FUBP3: variants seen among roughly 807,000 people sequenced by gnomAD.
FUBP3 encodes the protein far upstream element-binding protein 3.
FUBP3 carries 28 observed loss-of-function variants against 85.6 expected under a neutral mutation model. The ratio of observed to expected loss-of-function variants is 0.33; its 90% CI spans 0.24 to 0.45. The LOEUF (loss-of-function observed/expected upper bound fraction) is 0.45, where lower values mean the gene tolerates loss of function less well. FUBP3 is among the 20% of genes least tolerant of loss of function. FUBP3 has a pLI of 1.00. For missense variants in FUBP3, 583 were observed against 755.1 expected, an observed-to-expected ratio of 0.77 and a Z score of 2.67; for synonymous variants, 271 against 271.4, an observed-to-expected ratio of 1.00 and a Z score of 0.01.
Position 130,635,829 on chromosome 9 carries a change from G to A in FUBP3, c.1583-170G>A. ...GGGGCCGGGCAACAAGAGGCTAACA[G>A]CACCTTTTGTAGCAAGCGCTCCTGC... On this transcript the variant is annotated intron_variant, in intron 17 of 18. Coordinates refer to ENST00000319725, the MANE Select transcript of FUBP3 (RefSeq NM_003934.2). This position sits in a 1 kb window ranked among gnomAD's most constrained non-coding sequence, Gnocchi z 4.3. The A allele has an allele frequency of 6.2e-6, 4 of 646,596 alleles. No homozygotes were observed. The highest frequency in any genetic ancestry group is 1.1e-5 in the Non-Finnish European group (4 of 374,702). 40.1% of individuals were successfully genotyped at this position (646,596 alleles called of 1,614,324 possible).
At chr9:130,629,628 C>T (rs537280753) in intron 12 of FUBP3, among the ~76,000 whole-genome samples, 4 of 152,194 alleles carry the variant, frequency 2.6e-5, no homozygotes, top group South Asian at 4.2e-4. Flanking sequence ...GGATTGTGGA[C>T]GGTGTCTTGG....
chr9:130,595,024 C>T (rs532976925), intron 1 of FUBP3, among the ~76,000 whole-genome samples: 5 of 151,946 alleles, frequency 3.3e-5, no homozygotes, highest in Admixed American at 2.0e-4. Context: ...GTTGGGCGTT[C>T]GAGGCCAGCC....
Position 130,631,539 on chromosome 9 carries a change from C to G in FUBP3, c.1279-18C>G. 6.2e-7 allele frequency: 1 copy of G among 1,607,428 alleles called. No individual in the cohort carries two copies. ...GTGCAACCAACAGCGGGTGAGAGCT[C>G]CCTCTGTGCCCCCACAGGGGACCAA... is the stretch of plus-strand genomic sequence containing the variant. On this transcript the variant is annotated intron_variant, in intron 13 of 18. Transcript: ENST00000319725.
chr9:130,589,646 A>T (rs1214535990), intron 1 of FUBP3, among the ~76,000 whole-genome samples: 9 of 133,780 alleles, frequency 6.7e-5, no homozygotes, highest in African/African-American at 2.6e-4. Context: ...ACCCAGCCAG[A>T]TTTATTTTAA....
chr9:130,637,016 G>A lies in FUBP3; in HGVS notation c.1713G>A (p.Glu571=). 1 of 1,612,742 alleles carries A rather than the reference G, an allele frequency of 6.2e-7. No homozygotes were observed. The highest frequency in any genetic ancestry group is 8.5e-7 in the Non-Finnish European group (1 of 1,178,812). Residue 571 remains glutamate (E), a splice_region_variant and synonymous_variant, in exon 19 of 19, where the codon GAG becomes GAA. Coordinates refer to ENST00000319725, the MANE Select transcript of FUBP3 (RefSeq NM_003934.2). ...TLGQAQAHSQ[E]Q is the part of the protein sequence containing the mutation. Reference sequence around the variant, plus strand: ...TTCCTCTTCCCTTCCGCCCACAGGAGCAGTAGGACAGCGTCCTCGTGGCCA... The same window carrying A: ...TTCCTCTTCCCTTCCGCCCACAGGAACAGTAGGACAGCGTCCTCGTGGCCA...
chr9:130,587,068 G>GTT, intron 1 of FUBP3, among the ~76,000 whole-genome samples: 1 of 51,542 alleles, frequency 1.9e-5, no homozygotes, highest in African/African-American at 1.2e-4. Flanking sequence ...TTTTTTTTTT[G>GTT]TTTGTTTGTT....
At chr9:130,610,750 C>T (rs1831702104) in intron 3 of FUBP3, among the ~76,000 whole-genome samples, 1 of 152,192 alleles carries the variant, frequency 6.6e-6, no homozygotes, top group Non-Finnish European at 1.5e-5. Flanking sequence ...ACAATTCTGT[C>T]ATCTTGTATT....
Position 130,615,114 on chromosome 9 carries a change from T to C in FUBP3, c.404+769T>C, listed in dbSNP as rs138062214. On this transcript the variant is annotated intron_variant, in intron 6 of 18. Coordinates refer to ENST00000319725, the MANE Select transcript of FUBP3 (RefSeq NM_003934.2). Reference sequence around the variant, plus strand: ...GGAGTCTAGATGAGCTTAAAGTCTCTTGTTCTGCCATCACATTGCAAGCAG... The same window carrying C: ...GGAGTCTAGATGAGCTTAAAGTCTCCTGTTCTGCCATCACATTGCAAGCAG... Among the ~76,000 whole-genome samples, 13 of 152,332 alleles carry C rather than the reference T, an allele frequency of 8.5e-5. No homozygotes were observed. In the East Asian group the frequency reaches 2.5e-3, roughly 29 times the overall value.
intron 1 of FUBP3, among the ~76,000 whole-genome samples, chr9:130,586,235 G>A (rs994129245): frequency 3.3e-5 from 5 of 152,212 alleles, no homozygotes; most frequent in African/African-American, 4.8e-5. Flanking sequence ...ATTTGATTTA[G>A]ATTACTTACC....
intron 9 of FUBP3, among the ~76,000 whole-genome samples, chr9:130,621,234 A>C (rs1829732651): frequency 6.6e-6 from 1 of 152,204 alleles, no homozygotes; most frequent in African/African-American, 2.4e-5. Context: ...CTGTAATCCC[A>C]GTGCTTTGAG....
At chr9:130,622,644 A>G in intron 9 of FUBP3, 64 bp from the exon 10 acceptor site, 1 of 763,568 alleles carries the variant, frequency 1.3e-6, no homozygotes, top group Non-Finnish European at 2.2e-6. Flanking sequence ...AAAAAAAAAA[A>G]AGTGCCCTTT....
chr9:130,609,354 G>A (rs1276316590), intron 2 of FUBP3, among the ~76,000 whole-genome samples: 1 of 151,238 alleles, frequency 6.6e-6, no homozygotes, highest in African/African-American at 2.4e-5. Context: ...AGTGTCCGCT[G>A]CACATGGACT....
Position 130,612,931 on chromosome 9 carries a change from T to A in FUBP3, c.275-25T>A. The stretch of plus-strand genomic sequence containing the variant: ...TGAAATATGGAATAGGGGCGTGTAT[T>A]CTGACCCTGTTCAATTTGTTTCAGT... On this transcript the variant is annotated intron_variant, in intron 4 of 18. Coordinates refer to ENST00000319725, the MANE Select transcript of FUBP3 (RefSeq NM_003934.2). The surrounding 1 kb of genome is among the most constrained non-coding windows in gnomAD (Gnocchi z 4.1). 1 of 1,532,816 alleles carries A rather than the reference T, an allele frequency of 6.5e-7. No individual in the cohort carries two copies. The highest frequency in any genetic ancestry group is 9.0e-7 in the Non-Finnish European group (1 of 1,106,044). 95.0% of individuals were successfully genotyped at this position (1,532,816 alleles called of 1,614,324 possible). A position where few individuals can be genotyped will look rare whatever the true frequency, so the allele number is the denominator to read the frequency against.
chr9:130,632,089 C>T, intron 15 of FUBP3, 67 bp downstream of exon 15: 2 of 1,471,254 alleles, frequency 1.4e-6, no homozygotes, highest in South Asian at 2.3e-5. Context: ...CTATTGCCGA[C>T]AGGCAAGGGT....
At chr9:130,598,898 C>T (rs1027405280) in intron 2 of FUBP3, among the ~76,000 whole-genome samples, 2 of 152,202 alleles carry the variant, frequency 1.3e-5, no homozygotes, top group African/African-American at 4.8e-5. Context: ...CATGGTGGCT[C>T]ACACCTGTAA....
chr9:130,620,258 C>G (rs1829692317), intron 8 of FUBP3, 96 bp from the exon 9 acceptor site: 1 of 702,174 alleles, frequency 1.4e-6, no homozygotes, highest in South Asian at 1.9e-5. Flanking sequence ...CGCCTTTAAA[C>G]CCAAGTTAAG....
At chr9:130,610,088 G>A in intron 3 of FUBP3, 101 bp downstream of exon 3, 1 of 961,096 alleles carries the variant, frequency 1.0e-6, no homozygotes, top group Non-Finnish European at 1.7e-6. Flanking sequence ...TTGAGAATGT[G>A]AAAAAGCATG....
chr9:130,601,801 A>ATTATTTTTTTTTTTT (rs374173253), intron 2 of FUBP3, among the ~76,000 whole-genome samples: 2 of 117,376 alleles, frequency 1.7e-5, no homozygotes, highest in Non-Finnish European at 3.3e-5. Flanking sequence ...ATAATTCCTA[A>ATTATTTTTTTTTTTT]TTTTTTTTTT....
At chr9:130,595,675 C>T in intron 2 of FUBP3, 87 bp downstream of exon 2, 4 of 771,092 alleles carry the variant, frequency 5.2e-6, no homozygotes, top group Non-Finnish European at 7.3e-6. Context: ...CTTAACGACT[C>T]TCTGAAGTGT....
Sources: gnomAD v4.1 joint callset for allele counts (sites outside exome capture counted in the v4.1 genomes callset) on GRCh38, gnomAD v4.1.1 for gene constraint, Gnocchi (gnomAD v3.1) non-coding constraint, MANE v1.5 for transcripts, NCBI Gene and HGNC (gene_info 2026-07-23, HGNC 2026-07-21) for gene names.